Variants in SNTG1 observed in about 807,000 individuals in gnomAD.
SNTG1 encodes syntrophin gamma 1.
SNTG1 carries 39 observed loss-of-function variants against 74.7 expected under a neutral mutation model. That is an observed-to-expected ratio of 0.52 (90% CI 0.40 to 0.68). The LOEUF (loss-of-function observed/expected upper bound fraction) is 0.68. Among genes scored for constraint, SNTG1 ranks in the 30% least tolerant of loss-of-function variants. The pLI, the probability that SNTG1 is intolerant of heterozygous loss-of-function variation, is 0.00. For synonymous variants in SNTG1, 254 were observed against 217.1 expected, an observed-to-expected ratio of 1.17 and a Z score of -1.49; for missense variants, 685 against 609.5, an observed-to-expected ratio of 1.12 and a Z score of -1.30.
intron 2 of SNTG1, among the ~76,000 whole-genome samples, chr8:50,295,438 T>G (rs768286526): frequency 9.2e-5 from 14 of 152,200 alleles, no homozygotes; most frequent in Non-Finnish European, 1.8e-4. Flanking sequence ...TTTAAAAAGA[T>G]AGGTAAATTA....
At chr8:50,744,541 T>C (rs2095550916) in intron 17 of SNTG1, among the ~76,000 whole-genome samples, 1 of 151,868 alleles carries the variant, frequency 6.6e-6, no homozygotes, top group Non-Finnish European at 1.5e-5. Flanking sequence ...TTTGAAGAAA[T>C]AGAAAAGTCC....
intron 1 of SNTG1, among the ~76,000 whole-genome samples, chr8:50,038,150 C>T (rs898932577): frequency 6.6e-6 from 1 of 152,124 alleles, no homozygotes; most frequent in African/African-American, 2.4e-5. Flanking sequence ...GACAATTGCC[C>T]ATAGGTGGTC....
At chr8:50,648,997 G>C (rs1350249007) in intron 13 of SNTG1, among the ~76,000 whole-genome samples, 5 of 151,996 alleles carry the variant, frequency 3.3e-5, no homozygotes, top group Non-Finnish European at 1.5e-5. Flanking sequence ...GTTTCTTTCA[G>C]TTAACATGAT....
At chr8:50,094,861 T>G (rs949791386) in intron 1 of SNTG1, among the ~76,000 whole-genome samples, 2 of 152,164 alleles carry the variant, frequency 1.3e-5, no homozygotes, top group Non-Finnish European at 2.9e-5. Flanking sequence ...TGCACTCCTA[T>G]GTTCATTGCA....
chr8:49,938,611 C>CTTTTT (rs71928710), intron 1 of SNTG1, among the ~76,000 whole-genome samples: 2 of 12,594 alleles, frequency 1.6e-4, no homozygotes, highest in East Asian at 0.018. Flanking sequence ...TCTTTTCTTT[C>CTTTTT]TTTCTTTCTT....
chr8:50,354,510 A>G (rs548505522), intron 2 of SNTG1, among the ~76,000 whole-genome samples: 5 of 152,316 alleles, frequency 3.3e-5, no homozygotes, highest in African/African-American at 1.2e-4. Context: ...AATTAGCTAC[A>G]ATTATGTATT....
chr8:50,669,732 C>G (rs1251554731), intron 15 of SNTG1, among the ~76,000 whole-genome samples: 2 of 152,100 alleles, frequency 1.3e-5, no homozygotes, highest in Admixed American at 6.5e-5. Flanking sequence ...GGCAGAGACA[C>G]AACCAAAAAA....
chr8:49,916,850 A>T (rs891660512), intron 1 of SNTG1, among the ~76,000 whole-genome samples: 1 of 151,718 alleles, frequency 6.6e-6, no homozygotes, highest in Non-Finnish European at 1.5e-5. Context: ...TTCAATAGAA[A>T]AAAAAAACAT....
chr8:50,237,631 G>T (rs1006116739), intron 2 of SNTG1, among the ~76,000 whole-genome samples: 2 of 151,916 alleles, frequency 1.3e-5, no homozygotes, highest in Admixed American at 1.3e-4. Flanking sequence ...TTCAAAGAAG[G>T]CAAAAGGGGA....
chr8:50,547,533 T>C (rs1293135966), intron 11 of SNTG1, among the ~76,000 whole-genome samples: 1 of 152,058 alleles, frequency 6.6e-6, no homozygotes, highest in Non-Finnish European at 1.5e-5. Flanking sequence ...TGCCAAAGAG[T>C]CGCTCTTTGT....
chr8:50,452,585 A>G (rs1325074452), intron 8 of SNTG1, among the ~76,000 whole-genome samples: 2 of 152,232 alleles, frequency 1.3e-5, no homozygotes, highest in Admixed American at 1.3e-4. Context: ...AGATTAGTGC[A>G]GCATGAAAGA....
chr8:50,199,851 T>C (rs2083920199), intron 2 of SNTG1, among the ~76,000 whole-genome samples: 1 of 152,160 alleles, frequency 6.6e-6, no homozygotes, highest in African/African-American at 2.4e-5. Context: ...ATTTGATCTG[T>C]AGGGAATATT....
chr8:50,245,082 A>G (rs190994347), intron 2 of SNTG1, among the ~76,000 whole-genome samples: 13 of 152,304 alleles, frequency 8.5e-5, no homozygotes, highest in African/African-American at 3.1e-4. Context: ...CAAAGTGTCT[A>G]GGAATCATCT....
In SNTG1 at chr8:50,219,195, C is replaced by T. The variant is rs11994427; in HGVS notation, c.-28+46560C>T. 8.1e-3 allele frequency among the ~76,000 whole-genome samples: 1,233 copies of T among 152,236 alleles called. 19 individuals carry two copies. Among genetic ancestry groups the T allele is most frequent in the African/African-American group, 0.029 (1,184 of 41,538 alleles). On this transcript the variant is annotated intron_variant, in intron 2 of 18. Transcript: ENST00000642720. ...GGCTGGTTACAAGGCATCTTTTAGA[C>T]TAGAATCCACTCTACTTCTAATGCC... is the stretch of plus-strand genomic sequence containing the variant.
intron 1 of SNTG1, among the ~76,000 whole-genome samples, chr8:50,107,271 A>G (rs533044689): frequency 5.9e-5 from 9 of 152,320 alleles, no homozygotes; most frequent in African/African-American, 1.9e-4. Context: ...AGAATAAGGT[A>G]TGGACCTTTT....
chr8:49,975,885 C>T (rs1179005564), intron 1 of SNTG1, among the ~76,000 whole-genome samples: 1 of 151,990 alleles, frequency 6.6e-6, no homozygotes. Context: ...TTTTCTTCAA[C>T]ATTTTTTCCT....
intron 1 of SNTG1, among the ~76,000 whole-genome samples, chr8:49,942,877 C>T (rs1318817130): frequency 6.6e-6 from 1 of 152,172 alleles, no homozygotes; most frequent in African/African-American, 2.4e-5. Context: ...AAGTTACTTT[C>T]CCTTGCACTC....
chr8:49,922,947 G>T (rs1335231571), intron 1 of SNTG1, among the ~76,000 whole-genome samples: 1 of 152,102 alleles, frequency 6.6e-6, no homozygotes, highest in Admixed American at 6.6e-5. Context: ...ACTGATAAAT[G>T]TAATGATTCG....
intron 18 of SNTG1, among the ~76,000 whole-genome samples, chr8:50,758,181 G>A (rs933706623): frequency 1.3e-5 from 2 of 151,596 alleles, no homozygotes; most frequent in Non-Finnish European, 2.9e-5. Context: ...AAAGCTTGTG[G>A]TATATTAATC....
Sources: allele counts gnomAD v4.1 joint callset (sites outside exome capture counted in the v4.1 genomes callset), GRCh38; gene constraint gnomAD v4.1.1; transcripts MANE v1.5; gene names NCBI Gene and HGNC (gene_info 2026-07-23, HGNC 2026-07-21).